Variants in XKR7 observed in about 807,000 individuals in gnomAD.
XKR7 encodes XK related 7, also known as XK-related protein 7.
XKR7 carries 11 observed loss-of-function variants against 42.2 expected under a neutral mutation model. The observed-to-expected ratio is 0.26, with a 90% confidence interval of 0.16 to 0.43. The LOEUF (loss-of-function observed/expected upper bound fraction) is 0.43, where lower values mean the gene tolerates loss of function less well. XKR7 is among the 20% of genes least tolerant of loss of function. The pLI is 1.00. For synonymous variants in XKR7, 346 were observed against 366.4 expected, an observed-to-expected ratio of 0.94 and a Z score of 0.64; for missense variants, 710 against 802.2, an observed-to-expected ratio of 0.89 and a Z score of 1.39.
chr20:31,972,868 T>C (rs914769388), intron 1 of XKR7, among the ~76,000 whole-genome samples: 3 of 152,156 alleles, frequency 2.0e-5, no homozygotes, highest in African/African-American at 7.2e-5. Flanking sequence ...TAGTGACCTA[T>C]TGGAAGGAAA....
Position 31,996,959 on chromosome 20 carries a change from G to A in XKR7, c.1242G>A (p.Ser414=), listed in dbSNP as rs1197757286. The A allele has an allele frequency of 3.1e-6, 5 of 1,614,076 alleles. No individual in the cohort carries two copies. Among genetic ancestry groups the A allele is most frequent in the Non-Finnish European group, 4.2e-6 (5 of 1,180,042 alleles). The change falls in exon 3 of 3, where the codon TCG becomes TCA. Residue 414 remains serine (S), a synonymous_variant. Coordinates refer to ENST00000562532, the MANE Select transcript of XKR7 (RefSeq NM_001011718.2). The part of the protein sequence containing the change: ...SSRNFSTDFY[S]LIMVCVVASS... ...GCAACTTCTCAACCGACTTCTACTC[G>A]CTCATCATGGTCTGCGTAGTGGCCT...
rs190103313 is a variant in XKR7, at chr20:31,968,771, G to A, written c.584+12G>A. ...GGCCAGGTCTGGAGGTAGGAGAAGC[G>A]CAGGTGGAGGGACCTGAGCCCGAGG... is the stretch of plus-strand genomic sequence containing the variant. On this transcript the variant is annotated intron_variant, in intron 1 of 2. Coordinates refer to ENST00000562532, the MANE Select transcript of XKR7 (RefSeq NM_001011718.2). This position sits in a 1 kb window ranked among gnomAD's most constrained non-coding sequence, Gnocchi z 4.5. 5.4e-6 allele frequency: 8 copies of A among 1,487,530 alleles called. No homozygotes were observed. The East Asian group carries it at 1.6e-4, about 31-fold the overall frequency. The allele number at this position is 1,487,530 out of a possible 1,614,324, so 92.1% of individuals were successfully genotyped here.
In XKR7 at chr20:31,995,929, C is replaced by T. The variant is rs915478608; in HGVS notation, c.788-576C>T. Among the ~76,000 whole-genome samples, 7 of 151,874 alleles carry T rather than the reference C, an allele frequency of 4.6e-5. No individual in the cohort carries two copies. The highest frequency in any genetic ancestry group is 1.7e-4 in the African/African-American group (7 of 41,338). ...CCTGCCCAACCCATCCTCAGTGTCC[C>T]AAAAGACTATCACCACCCCTCATGG... On this transcript the variant is annotated intron_variant, in intron 2 of 2. Transcript: ENST00000562532. The surrounding 1 kb of genome is among the most constrained non-coding windows in gnomAD (Gnocchi z 4.1).
Position 31,995,379 on chromosome 20 carries a change from C to G in XKR7, c.787+109C>G, listed in dbSNP as rs1350569464. ...TGGGCTTCCCCACCCCAGCTCAGGG[C>G]TCACTCAGTCAGGGTTTAGGGAGGC... On this transcript the variant is annotated intron_variant, in intron 2 of 2. Coordinates refer to ENST00000562532, the MANE Select transcript of XKR7 (RefSeq NM_001011718.2). The surrounding 1 kb of genome is among the most constrained non-coding windows in gnomAD (Gnocchi z 4.1). The G allele has an allele frequency of 6.7e-7, 1 of 1,495,868 alleles. No homozygotes were observed. Among genetic ancestry groups the G allele is most frequent in the African/African-American group, 1.4e-5 (1 of 70,480 alleles). 92.7% of individuals were successfully genotyped at this position (1,495,868 alleles called of 1,614,324 possible).
chr20:32,001,151 T>C lies in XKR7; in HGVS notation c.*3694T>C, dbSNP rs1466013693. ...TAAGTACTCGAGTTCTGCAGGTTCT[T>C]CCCTTGGAATTAATCTGGACCTGGA... On this transcript the variant is annotated 3_prime_UTR_variant, in exon 3 of 3. Transcript: ENST00000562532. 6.6e-6 allele frequency: 1 copy of C among 152,156 alleles called. No individual in the cohort carries two copies. Among genetic ancestry groups the C allele is most frequent in the African/African-American group, 2.4e-5 (1 of 41,426 alleles). 9.4% of individuals were successfully genotyped at this position (152,156 alleles called of 1,614,324 possible). A position where few individuals can be genotyped will look rare whatever the true frequency, so the allele number is the denominator to read the frequency against.
intron 1 of XKR7, among the ~76,000 whole-genome samples, chr20:31,988,276 A>G (rs1204219427): frequency 6.6e-6 from 1 of 152,122 alleles, no homozygotes; most frequent in Admixed American, 6.5e-5. Flanking sequence ...CCTGCCCATT[A>G]GAGAGCAGCC....
Position 31,968,640 on chromosome 20 carries a change from C to G in XKR7, c.465C>G (p.Pro155=), listed in dbSNP as rs370399272. Reference sequence around the variant, plus strand: ...CCTTCCGGACCAAAGAAGGCAGCCCCGAGCCGGGTCCCCAGCCTGCGCCCT... The same window carrying G: ...CCTTCCGGACCAAAGAAGGCAGCCCGGAGCCGGGTCCCCAGCCTGCGCCCT... ...AGAFRTKEGS[P]EPGPQPAPSS... is the part of the protein sequence containing the mutation. The change falls in exon 1 of 3, where the codon CCC becomes CCG. Residue 155 remains proline (P), a synonymous_variant. Transcript: ENST00000562532. This position sits in a 1 kb window ranked among gnomAD's most constrained non-coding sequence, Gnocchi z 4.5. 2.5e-6 allele frequency: 4 copies of G among 1,587,148 alleles called. No individual in the cohort carries two copies. Among genetic ancestry groups the G allele is most frequent in the Admixed American group, 1.8e-5 (1 of 57,134 alleles).
chr20:31,974,712 C>T (rs1600655781), intron 1 of XKR7, among the ~76,000 whole-genome samples: 1 of 152,214 alleles, frequency 6.6e-6, no homozygotes, highest in East Asian at 1.9e-4. Context: ...ATCATTTTAA[C>T]CCAAGTATCT....
In XKR7 at chr20:32,001,023, G is replaced by C. The variant is rs1803964306; in HGVS notation, c.*3566G>C. 1 of 152,354 alleles carries C rather than the reference G, an allele frequency of 6.6e-6. No homozygotes were observed. Among genetic ancestry groups the C allele is most frequent in the Non-Finnish European group, 1.5e-5 (1 of 68,114 alleles). 9.4% of individuals were successfully genotyped at this position (152,354 alleles called of 1,614,324 possible). On this transcript the variant is annotated 3_prime_UTR_variant, in exon 3 of 3. Coordinates refer to ENST00000562532, the MANE Select transcript of XKR7 (RefSeq NM_001011718.2). ...TCACCCATGAGAGTCGGGAAAGACA[G>C]AGGGCAGGGAAGGTGAGGCCTGGGG...
At chr20:31,976,663 G>C (rs1209695168) in intron 1 of XKR7, among the ~76,000 whole-genome samples, 1 of 152,168 alleles carries the variant, frequency 6.6e-6, no homozygotes, top group Non-Finnish European at 1.5e-5. Flanking sequence ...GGGATTACAG[G>C]CGTGAGCCAC....
Position 32,003,066 on chromosome 20 carries a change from A to C in XKR7, c.*5609A>C, listed in dbSNP as rs2064632564. 1 of 152,240 alleles carries C rather than the reference A, an allele frequency of 6.6e-6. No homozygotes were observed. Among genetic ancestry groups the C allele is most frequent in the African/African-American group, 2.4e-5 (1 of 41,444 alleles). 9.4% of individuals were successfully genotyped at this position (152,240 alleles called of 1,614,324 possible). A position where few individuals can be genotyped will look rare whatever the true frequency, so the allele number is the denominator to read the frequency against. ...CCTGGAACTCTAGGAATCACTAGCC[A>C]TGCCTGAGGGGCTAATCTCCCTCTG... On this transcript the variant is annotated 3_prime_UTR_variant, in exon 3 of 3. Transcript: ENST00000562532.
chr20:31,983,871 C>T (rs2064525005), intron 1 of XKR7, among the ~76,000 whole-genome samples: 1 of 151,896 alleles, frequency 6.6e-6, no homozygotes, highest in African/African-American at 2.4e-5. Context: ...TTGCTTGAAC[C>T]CAGGAGGCAG....
At chr20:31,976,431 C>G (rs1003055646) in intron 1 of XKR7, among the ~76,000 whole-genome samples, 2 of 152,014 alleles carry the variant, frequency 1.3e-5, no homozygotes, top group Non-Finnish European at 2.9e-5. Context: ...GTCTCCCAGG[C>G]TGGAGTGCAG....
intron 1 of XKR7, among the ~76,000 whole-genome samples, chr20:31,981,933 C>T (rs891706809): frequency 2.0e-5 from 3 of 152,132 alleles, no homozygotes; most frequent in Non-Finnish European, 2.9e-5. Context: ...TGCTTCAGAT[C>T]GTGGCTCAGT....
At chr20:31,988,643 G>T (rs912143909) in intron 1 of XKR7, among the ~76,000 whole-genome samples, 1 of 152,158 alleles carries the variant, frequency 6.6e-6, no homozygotes, top group Non-Finnish European at 1.5e-5. Context: ...CTATGAAATG[G>T]GGACAGCAGA....
At chr20:31,992,981 A>T (rs754045817) in intron 1 of XKR7, among the ~76,000 whole-genome samples, 1 of 151,932 alleles carries the variant, frequency 6.6e-6, no homozygotes, top group Non-Finnish European at 1.5e-5. Flanking sequence ...CCCAAACAAC[A>T]TCCTGGAAAT....
chr20:31,991,367 G>A (rs75900912), intron 1 of XKR7, among the ~76,000 whole-genome samples: 10,563 of 152,168 alleles, frequency 0.069, 425 homozygotes, highest in African/African-American at 0.097. Context: ...TGTGTTCTAG[G>A]CCCTCAGAAG....
At position 31,995,275 on chromosome 20, in the gene XKR7, G is replaced by A; in HGVS notation, c.787+5G>A. On this transcript the variant is annotated splice_donor_5th_base_variant and intron_variant, in intron 2 of 2. Coordinates refer to ENST00000562532, the MANE Select transcript of XKR7 (RefSeq NM_001011718.2). The surrounding 1 kb of genome is among the most constrained non-coding windows in gnomAD (Gnocchi z 4.1). ...GCGCGCCCGACCTGCTGCCGGGTGA[G>A]CCCGCCCCTTCACCCTCTGCGCCTG... The A allele has an allele frequency of 6.5e-7, 1 of 1,534,930 alleles. No homozygotes were observed.
chr20:31,991,178 C>T (rs545899976), intron 1 of XKR7, among the ~76,000 whole-genome samples: 34 of 152,284 alleles, frequency 2.2e-4, no homozygotes, highest in Middle Eastern at 3.4e-3. Flanking sequence ...CATGCTGACC[C>T]GGGCCCGGAA....
Sources: allele counts gnomAD v4.1 joint callset (sites outside exome capture counted in the v4.1 genomes callset), GRCh38; gene constraint gnomAD v4.1.1; non-coding constraint Gnocchi (gnomAD v3.1); transcripts MANE v1.5; gene names NCBI Gene and HGNC (gene_info 2026-07-23, HGNC 2026-07-21).